The following CTSF variants were observed in gnomAD, a reference collection of about 807,000 sequenced individuals.
CTSF encodes cathepsin F.
In CTSF, 65 loss-of-function variants were observed where a neutral mutation model predicts 63.5. The observed-to-expected ratio is 1.02, with a 90% CI of 0.84 to 1.26. The LOEUF is 1.26. CTSF is among the 50% of genes most tolerant of loss of function. The pLI is 0.00. For missense variants in CTSF, 641 were observed against 631.0 expected, an observed-to-expected ratio of 1.02 and a Z score of -0.17; for synonymous variants, 256 against 258.1, an observed-to-expected ratio of 0.99 and a Z score of 0.08.
intron 4 of CTSF, among the ~76,000 whole-genome samples, chr11:66,566,736 T>G (rs1857940891): frequency 6.6e-6 from 1 of 151,970 alleles, no homozygotes; most frequent in South Asian, 2.1e-4. Context: ...TCTTTTTTTT[T>G]TTTTTGAGAC....
intron 11 of CTSF, 160 bp downstream of exon 11, chr11:66,564,398 A>C: frequency 1.3e-6 from 1 of 796,376 alleles, no homozygotes; most frequent in Non-Finnish European, 2.0e-6. Flanking sequence ...CTTCCCTGCC[A>C]TAGAGAGGAC....
Position 66,563,558 on chromosome 11 carries a change from C to G in CTSF, c.*375G>C. 2.2e-6 allele frequency: 1 copy of G among 445,368 alleles called. No homozygotes were observed. The highest frequency in any genetic ancestry group is 4.0e-6 in the Non-Finnish European group (1 of 248,904). 27.6% of individuals were successfully genotyped at this position (445,368 alleles called of 1,614,324 possible). ...ACACTATCCCTAAATCCAAGGGAAC[C>G]AGAAAATTTATAGTATCAAACAGAG... is the stretch of plus-strand genomic sequence containing the variant. On this transcript the variant is annotated 3_prime_UTR_variant, in exon 13 of 13. Transcript: ENST00000310325.
At chr11:66,564,051 C>T (rs776446362) in intron 12 of CTSF, 37 bp downstream of exon 12, 8 of 1,613,330 alleles carry the variant, frequency 5.0e-6, no homozygotes, top group Non-Finnish European at 6.8e-6. Context: ...GGTAGGATGG[C>T]GGCTGGAGGG....
At chr11:66,567,147 C>A in intron 4 of CTSF, 99 bp downstream of exon 4, 1 of 1,248,578 alleles carries the variant, frequency 8.0e-7, no homozygotes. Context: ...TGAACAGGTA[C>A]ACTGCCTCTT....
intron 4 of CTSF, 89 bp from the exon 5 acceptor site, chr11:66,566,493 G>C (rs1857936202): frequency 2.1e-5 from 26 of 1,251,778 alleles, no homozygotes; most frequent in Non-Finnish European, 2.5e-5. Context: ...GGTTTCCCCG[G>C]GGAGCAGGTA....
chr11:66,564,032 G>A (rs2134948744), intron 12 of CTSF, 25 bp from the exon 13 acceptor site: 1 of 1,613,930 alleles, frequency 6.2e-7, no homozygotes, highest in Middle Eastern at 1.7e-4. Flanking sequence ...GAGCTGGTGA[G>A]GGCACCAGGG....
Position 66,564,629 on chromosome 11 carries a change from G to A in CTSF, c.1250C>T (p.Ser417Phe), listed in dbSNP as rs553298368. Residue 417 changes from serine (S) to phenylalanine (F), a missense_variant, in exon 11 of 13, where the codon TCC (serine) becomes TTC (phenylalanine). Coordinates refer to ENST00000310325, the MANE Select transcript of CTSF (RefSeq NM_003793.4). ...FGMQFYRHGISRPLRPLCSPW... is the reference protein window; with the variant it reads ...FGMQFYRHGIFRPLRPLCSPW... ...GCTGCAGAGGGGCCGGAGAGGGCGG[G>A]AGATCCCGTGGCGGTAAAACTGGAG... is the stretch of plus-strand genomic sequence containing the variant. 6.2e-6 allele frequency: 10 copies of A among 1,608,318 alleles called. No homozygotes were observed. The highest frequency in any genetic ancestry group is 8.5e-6 in the Non-Finnish European group (10 of 1,177,468).
intron 1 of CTSF, 42 bp downstream of exon 1, chr11:66,568,232 T>C (rs773708158): frequency 1.3e-6 from 2 of 1,521,352 alleles, no homozygotes; most frequent in East Asian, 2.6e-5. Flanking sequence ...CTCCTATCCC[T>C]TGGACCCGGG....
rs537387648 is a variant in CTSF, at chr11:66,566,401, G to A, written c.611C>T (p.Ala204Val). 2.2e-5 allele frequency: 35 copies of A among 1,613,920 alleles called. 1 individual carries two copies. In the South Asian group the frequency reaches 3.8e-4, roughly 18 times the overall value. Residue 204 changes from alanine to valine, a missense_variant, in exon 5 of 13, where the codon GCC becomes GTC. Physicochemically the swap from Ala to Val is moderately conservative, Grantham distance 64. Coordinates refer to ENST00000310325, the MANE Select transcript of CTSF (RefSeq NM_003793.4). ...GACAAAGACGGACAGGCGCCACCGG[G>A]CTTCTGAGGACCAAGGAGCAGAAGA... ...YNRTYESKEE[A>V]RWRLSVFVNN...
At position 66,567,694 on chromosome 11, in the gene CTSF, CCTGGAT is replaced by C. The variant is rs756076962; in HGVS notation, c.313-38_313-33del. 16 of 1,598,154 alleles carry C rather than the reference CCTGGAT, an allele frequency of 1.0e-5. 1 individual carries two copies. In the South Asian group the frequency reaches 1.3e-4, roughly 13 times the overall value. The stretch of plus-strand genomic sequence containing the variant: ...GGAGAGGAAGAAGCTGCTCTGGGGG[CCTGGAT>C]CTGGATCTGGGGAGCAAGATCTGGC... On this transcript the variant is annotated intron_variant, in intron 2 of 12. Transcript: ENST00000310325.
intron 8 of CTSF, 142 bp downstream of exon 8, chr11:66,565,529 A>C (rs1402715828): frequency 8.4e-7 from 1 of 1,194,830 alleles, no homozygotes; most frequent in Non-Finnish European, 1.2e-6. Context: ...GGCATGAGCC[A>C]CCACGCCTGG....
rs1167758941 is a variant in CTSF, at chr11:66,568,268, C to A, written c.213+6G>T. 6.6e-7 allele frequency: 1 copy of A among 1,506,936 alleles called. No individual in the cohort carries two copies. The highest frequency in any genetic ancestry group is 8.8e-7 in the Non-Finnish European group (1 of 1,134,710). 93.3% of individuals were successfully genotyped at this position (1,506,936 alleles called of 1,614,324 possible). On this transcript the variant is annotated splice_donor_region_variant and intron_variant, in intron 1 of 12. Coordinates refer to ENST00000310325, the MANE Select transcript of CTSF (RefSeq NM_003793.4). ...CCTGGCGCCCCCGCCCCCGGCGCGT[C>A]CTCACCCGGCGGACGCGGCCGCGCA...
chr11:66,568,009 C>A lies in CTSF; in HGVS notation c.287G>T (p.Arg96Leu). ...CAGGGTTTTCTTGGACACGGGGAGC[C>A]GGCACACCATGGGGTCGTTGCAGGG... ...EPPCNDPMVC[R>L]LPVSKKTLLC... is the part of the protein sequence containing the mutation. The change falls in exon 2 of 13, where the codon CGG becomes CTG. Residue 96 changes from arginine (R) to leucine (L), a missense_variant. Arg to Leu is a moderately radical substitution (Grantham distance 102). Transcript: ENST00000310325. The A allele has an allele frequency of 6.3e-7, 1 of 1,596,732 alleles. No individual in the cohort carries two copies.
chr11:66,567,561 C>G lies in CTSF; in HGVS notation c.414G>C (p.Lys138Asn), dbSNP rs1857960054. ...TGGCTGAGCCCTGAGTGAAGGCTGA[C>G]TTGGGCTCCCCAGCACCTGGAACCT... ...DTKVPGAGEPKSAFTQGSAMI... is the reference protein window; with the variant it reads ...DTKVPGAGEPNSAFTQGSAMI... The change falls in exon 3 of 13, where the codon AAG becomes AAC. Residue 138 changes from lysine to asparagine, a missense_variant. Transcript: ENST00000310325. 1.2e-6 allele frequency: 2 copies of G among 1,614,220 alleles called. No individual in the cohort carries two copies. The highest frequency in any genetic ancestry group is 2.7e-5 in the African/African-American group (2 of 75,058).
At position 66,564,018 on chromosome 11, in the gene CTSF, G is replaced by T; in HGVS notation, c.1381-11C>A. 1 of 1,613,700 alleles carries T rather than the reference G, an allele frequency of 6.2e-7. No individual in the cohort carries two copies. The highest frequency in any genetic ancestry group is 8.5e-7 in the Non-Finnish European group (1 of 1,179,804). On this transcript the variant is annotated splice_polypyrimidine_tract_variant and intron_variant, in intron 12 of 12. Transcript: ENST00000310325. ...CAAGTAGTAGTAACCCTGGGGGAGA[G>T]GGGGAGCTGGTGAGGGCACCAGGGT...
rs773757404 is a variant in CTSF at position 66,566,338 on chromosome 11, T to C, written c.674A>G (p.Asp225Gly). 6.2e-7 allele frequency: 1 copy of C among 1,614,112 alleles called. No individual in the cohort carries two copies. The highest frequency in any genetic ancestry group is 8.5e-7 in the Non-Finnish European group (1 of 1,180,020). The change falls in exon 5 of 13, where the codon GAC (aspartate) becomes GGC (glycine). Residue 225 changes from aspartate to glycine, a missense_variant. Physicochemically the swap from Asp to Gly is moderately conservative, Grantham distance 94. Transcript: ENST00000310325. ...MVRAQKIQAL[D>G]RGTAQYGVTK... ...GACTCCATACTGAGCTGTGCCACGG[T>C]CCAGGGCCTGGATCTTCTGTGCTCG...
In CTSF at chr11:66,565,581, T is replaced by C. The variant is rs1590815594; in HGVS notation, c.1045+90A>G. The C allele has an allele frequency of 1.9e-6, 3 of 1,558,062 alleles. No individual in the cohort carries two copies. In the African/African-American group the frequency reaches 4.1e-5, roughly 21 times the overall value. ...ACCTGGACCCAGTTCTGTGTAACTC[T>C]CATGCTCATGTCTCCCCCCCATTAT... is the stretch of plus-strand genomic sequence containing the variant. On this transcript the variant is annotated intron_variant, in intron 8 of 12. Transcript: ENST00000310325.
chr11:66,567,715 C>T (rs1158607254), intron 2 of CTSF, 53 bp from the exon 3 acceptor site: 1 of 1,574,714 alleles, frequency 6.4e-7, no homozygotes, highest in Non-Finnish European at 8.6e-7. Context: ...ATCTGGGGAG[C>T]AAGATCTGGC....
chr11:66,564,740 A>G lies in CTSF; in HGVS notation c.1230+2T>C. The G allele has an allele frequency of 2.5e-6, 4 of 1,613,984 alleles. No homozygotes were observed. The highest frequency in any genetic ancestry group is 3.4e-6 in the Non-Finnish European group (4 of 1,180,002). Reference sequence around the variant, plus strand: ...GCAGGGGCAGTGGGGCTAGGGCCTCACCTGCATGCCAAAGGCATTGATGGC... The same window carrying G: ...GCAGGGGCAGTGGGGCTAGGGCCTCGCCTGCATGCCAAAGGCATTGATGGC... On this transcript the variant is annotated splice_donor_variant, in intron 10 of 12. Coordinates refer to ENST00000310325, the MANE Select transcript of CTSF (RefSeq NM_003793.4). LOFTEE classifies it high-confidence loss of function.
Sources: allele counts gnomAD v4.1 joint callset (sites outside exome capture counted in the v4.1 genomes callset), GRCh38; gene constraint gnomAD v4.1.1; transcripts MANE v1.5; gene names NCBI Gene and HGNC (gene_info 2026-07-23, HGNC 2026-07-21).